Variants in PPP2R2C observed in about 807,000 individuals in gnomAD.
PPP2R2C encodes the protein protein phosphatase 2 regulatory subunit Bgamma.
In PPP2R2C, 10 loss-of-function variants were observed where a neutral mutation model predicts 45.3. The ratio of observed to expected loss-of-function variants is 0.22; its 90% CI spans 0.14 to 0.37. The LOEUF (loss-of-function observed/expected upper bound fraction) is 0.37, where lower values mean the gene tolerates loss of function less well. Among genes scored for constraint, PPP2R2C ranks in the 10% least tolerant of loss-of-function variants. The pLI is 1.00. For missense variants in PPP2R2C, 308 were observed against 619.7 expected, an observed-to-expected ratio of 0.50 and a Z score of 5.34; for synonymous variants, 257 against 245.4, an observed-to-expected ratio of 1.05 and a Z score of -0.44.
intron 8 of PPP2R2C, among the ~76,000 whole-genome samples, chr4:6,325,844 T>C (rs938750719): frequency 1.3e-5 from 2 of 152,232 alleles, no homozygotes; most frequent in African/African-American, 4.8e-5. Context: ...CGCCGGCTGC[T>C]TTCAGCCCCA....
chr4:6,327,218 G>A lies in PPP2R2C; in HGVS notation c.1052+2044C>T, dbSNP rs373913421. On this transcript the variant is annotated intron_variant, in intron 8 of 8. Coordinates refer to ENST00000382599, the MANE Select transcript of PPP2R2C (RefSeq NM_020416.4). ...CCCCCCAGGGCACCCCACCCATTGC[G>A]GGAGGCAAACAAGGACAGAGGTTCC... Among the ~76,000 whole-genome samples the A allele has an allele frequency of 1.7e-3, 264 of 152,334 alleles. 1 individual carries two copies. Among genetic ancestry groups the A allele is most frequent in the South Asian group, 0.016 (78 of 4,828 alleles).
At chr4:6,529,477 C>A (rs1380907760) in intron 2 of PPP2R2C, among the ~76,000 whole-genome samples, 2 of 152,222 alleles carry the variant, frequency 1.3e-5, no homozygotes, top group African/African-American at 4.8e-5. Context: ...AGCCTCCAGA[C>A]AACCCAGTGA....
intron 1 of PPP2R2C, among the ~76,000 whole-genome samples, chr4:6,434,650 C>T (rs931175278): frequency 2.0e-5 from 3 of 152,154 alleles, no homozygotes; most frequent in African/African-American, 7.2e-5. Flanking sequence ...TGAGCCACCA[C>T]ACCTGGCCTC....
chr4:6,381,440 G>A (rs1577130283), intron 1 of PPP2R2C: 4 of 1,389,874 alleles, frequency 2.9e-6, no homozygotes, highest in Non-Finnish European at 3.8e-6. Context: ...CTCCTGTCTT[G>A]AATCTCCCAC....
chr4:6,511,834 G>T (rs1560594466), intron 2 of PPP2R2C, among the ~76,000 whole-genome samples: 98 of 48,116 alleles, frequency 2.0e-3, no homozygotes, highest in South Asian at 3.7e-3. Context: ...GGTGGTGGTG[G>T]TGATGGTGGT....
At chr4:6,390,380 T>A (rs1052478773) in intron 1 of PPP2R2C, among the ~76,000 whole-genome samples, 2 of 152,162 alleles carry the variant, frequency 1.3e-5, no homozygotes, top group African/African-American at 4.8e-5. Context: ...TCCTGACAGC[T>A]GTGAGCAGCT....
intron 5 of PPP2R2C, among the ~76,000 whole-genome samples, chr4:6,367,192 G>T (rs188158745): frequency 6.6e-6 from 1 of 151,936 alleles, no homozygotes. Context: ...TTGTCCAATA[G>T]TCAAAGCAAT....
At chr4:6,459,359 A>G (rs541053779) in intron 1 of PPP2R2C, among the ~76,000 whole-genome samples, 109 of 152,180 alleles carry the variant, frequency 7.2e-4, no homozygotes, top group African/African-American at 2.6e-3. Context: ...CACATGACCT[A>G]TTTTTTACTT....
chr4:6,323,239 T>G lies in PPP2R2C; in HGVS notation c.*63A>C. 2 of 1,529,000 alleles carry G rather than the reference T, an allele frequency of 1.3e-6. No individual in the cohort carries two copies. Among genetic ancestry groups the G allele is most frequent in the South Asian group, 1.3e-5 (1 of 79,104 alleles). The allele number at this position is 1,529,000 out of a possible 1,614,324, so 94.7% of individuals were successfully genotyped here. ...TCTTCCCCTCCTTGCATTGCGGTCGTGAAGGTCATGTCGGGGATGACTTGC... is the reference window on the plus strand; with the variant it reads ...TCTTCCCCTCCTTGCATTGCGGTCGGGAAGGTCATGTCGGGGATGACTTGC... On this transcript the variant is annotated 3_prime_UTR_variant, in exon 9 of 9. Coordinates refer to ENST00000382599, the MANE Select transcript of PPP2R2C (RefSeq NM_020416.4).
chr4:6,495,350 C>T (rs569321030), intron 2 of PPP2R2C, among the ~76,000 whole-genome samples: 1 of 152,362 alleles, frequency 6.6e-6, no homozygotes, highest in Admixed American at 6.5e-5. Context: ...AGGCCTGGGG[C>T]CCATGCAGAC....
intron 1 of PPP2R2C, among the ~76,000 whole-genome samples, chr4:6,425,739 G>C (rs568178636): frequency 6.6e-6 from 1 of 152,178 alleles, no homozygotes; most frequent in Non-Finnish European, 1.5e-5. Context: ...ATCCTCCCGG[G>C]TGCTAGAAGA....
chr4:6,524,521 C>T (rs946803956), intron 2 of PPP2R2C, among the ~76,000 whole-genome samples: 1 of 152,158 alleles, frequency 6.6e-6, no homozygotes, highest in Admixed American at 6.5e-5. Flanking sequence ...ACGTCTGCAC[C>T]GTGATCAGGC....
chr4:6,450,184 C>G (rs1182798131), intron 1 of PPP2R2C, among the ~76,000 whole-genome samples: 1 of 151,252 alleles, frequency 6.6e-6, no homozygotes, highest in Non-Finnish European at 1.5e-5. Context: ...CGGCAAGAAG[C>G]CTGGCCTCTC....
At chr4:6,458,234 C>T (rs1395675813) in intron 1 of PPP2R2C, among the ~76,000 whole-genome samples, 1 of 152,224 alleles carries the variant, frequency 6.6e-6, no homozygotes, top group African/African-American at 2.4e-5. Flanking sequence ...CATGCAGGCT[C>T]ATCACTGGGA....
Position 6,328,819 on chromosome 4 carries a change from C to T in PPP2R2C, c.1052+443G>A, listed in dbSNP as rs1560443612. Among the ~76,000 whole-genome samples, 1 of 152,130 alleles carries T rather than the reference C, an allele frequency of 6.6e-6. No individual in the cohort carries two copies. The highest frequency in any genetic ancestry group is 1.5e-5 in the Non-Finnish European group (1 of 68,018). ...GGGTGTCACCAGGAAGAGAGGGAGA[C>T]AGTAGTGGTGATGGGAGGAGGGGTG... is the stretch of plus-strand genomic sequence containing the variant. On this transcript the variant is annotated intron_variant, in intron 8 of 8. Coordinates refer to ENST00000382599, the MANE Select transcript of PPP2R2C (RefSeq NM_020416.4). The surrounding 1 kb of genome is among the most constrained non-coding windows in gnomAD (Gnocchi z 4.4).
intron 1 of PPP2R2C, among the ~76,000 whole-genome samples, chr4:6,549,481 A>G (rs975042728): frequency 1.3e-5 from 2 of 152,320 alleles, no homozygotes; most frequent in Non-Finnish European, 2.9e-5. Context: ...CCCAGGCAGA[A>G]TCACAGAAGG....
intron 1 of PPP2R2C, among the ~76,000 whole-genome samples, chr4:6,413,525 C>A (rs531911493): frequency 6.6e-6 from 1 of 152,340 alleles, no homozygotes; most frequent in Non-Finnish European, 1.5e-5. Context: ...GTAATTAAAC[C>A]TGCCGGGCAG....
intron 1 of PPP2R2C, among the ~76,000 whole-genome samples, chr4:6,393,557 C>T (rs1716798328): frequency 6.6e-6 from 1 of 152,242 alleles, no homozygotes; most frequent in Non-Finnish European, 1.5e-5. Flanking sequence ...CTACGAATGC[C>T]CCCATGGCCC....
At chr4:6,540,000 T>A (rs867989229) in intron 1 of PPP2R2C, among the ~76,000 whole-genome samples, 4 of 152,184 alleles carry the variant, frequency 2.6e-5, no homozygotes, top group Non-Finnish European at 5.9e-5. Flanking sequence ...CCCTACTCTG[T>A]CGCCTGGCTC....
Sources: gnomAD v4.1 joint callset for allele counts (sites outside exome capture counted in the v4.1 genomes callset) on GRCh38, gnomAD v4.1.1 for gene constraint, Gnocchi (gnomAD v3.1) non-coding constraint, MANE v1.5 for transcripts, NCBI Gene and HGNC (gene_info 2026-07-23, HGNC 2026-07-21) for gene names.